The following ANKS1B variants were observed in gnomAD, a reference collection of about 807,000 sequenced individuals.
The protein encoded by ANKS1B is ankyrin repeat and sterile alpha motif domain-containing protein 1B.
In ANKS1B, 36 loss-of-function variants were observed where a neutral mutation model predicts 148.3. That is an observed-to-expected ratio of 0.24 (90% confidence interval 0.19 to 0.32). The LOEUF (loss-of-function observed/expected upper bound fraction) is 0.32. ANKS1B is among the 10% of genes least tolerant of loss of function. The pLI, the probability that ANKS1B is intolerant of heterozygous loss-of-function variation, is 1.00. For synonymous variants in ANKS1B, 542 were observed against 560.8 expected, an observed-to-expected ratio of 0.97 and a Z score of 0.47; for missense variants, 1,157 against 1,542.6, an observed-to-expected ratio of 0.75 and a Z score of 4.19.
At chr12:98,852,891 C>T (rs1250046937) in intron 17 of ANKS1B, among the ~76,000 whole-genome samples, 4 of 152,180 alleles carry the variant, frequency 2.6e-5, no homozygotes, top group African/African-American at 4.8e-5. Context: ...CTTTCTGCTT[C>T]ATCGATACTC....
chr12:99,050,091 C>T (rs551890640), intron 17 of ANKS1B, among the ~76,000 whole-genome samples: 1 of 152,270 alleles, frequency 6.6e-6, no homozygotes, highest in South Asian at 2.1e-4. Context: ...CCCTTTTAGG[C>T]TAGAAAACAA....
chr12:99,076,340 T>G (rs930993881), intron 16 of ANKS1B, among the ~76,000 whole-genome samples: 9 of 152,074 alleles, frequency 5.9e-5, no homozygotes, highest in Admixed American at 3.9e-4. Flanking sequence ...TAAGGCTGAA[T>G]TTTAGGGAAT....
At chr12:98,807,990 A>C in intron 19 of ANKS1B, 72 bp from the exon 20 acceptor site, 1 of 1,199,922 alleles carries the variant, frequency 8.3e-7, no homozygotes, top group Non-Finnish European at 1.2e-6. Context: ...AGCATCCAGG[A>C]AGGAAAAGAG....
At chr12:99,765,637 A>AATACATATGG (rs2062573777) in intron 8 of ANKS1B, among the ~76,000 whole-genome samples, 2 of 152,234 alleles carry the variant, frequency 1.3e-5, no homozygotes, top group African/African-American at 4.8e-5. Context: ...AGCTGATTAG[A>AATACATATGG]ATACATATGG....
intron 15 of ANKS1B, among the ~76,000 whole-genome samples, chr12:99,148,365 T>A (rs1284198408): frequency 1.3e-5 from 2 of 152,046 alleles, no homozygotes; most frequent in African/African-American, 4.8e-5. Flanking sequence ...CAGAGCAACT[T>A]CCAGAAGGAG....
intron 15 of ANKS1B, among the ~76,000 whole-genome samples, chr12:99,123,282 G>T (rs1317661975): frequency 6.6e-6 from 1 of 152,038 alleles, no homozygotes; most frequent in Non-Finnish European, 1.5e-5. Flanking sequence ...CATTAGAGCA[G>T]AGATTTCGAT....
intron 12 of ANKS1B, among the ~76,000 whole-genome samples, chr12:99,327,386 ATAT>A (rs557954922): frequency 4.5e-5 from 6 of 132,832 alleles, no homozygotes; most frequent in Non-Finnish European, 9.3e-5. Flanking sequence ...ATATAATTAT[ATAT>A]TATAATTACA....
chr12:99,328,000 T>A (rs1326698389), intron 12 of ANKS1B, among the ~76,000 whole-genome samples: 1 of 151,966 alleles, frequency 6.6e-6, no homozygotes, highest in Non-Finnish European at 1.5e-5. Flanking sequence ...AAATTTTTAA[T>A]AATTTTTGGG....
intron 17 of ANKS1B, among the ~76,000 whole-genome samples, chr12:98,997,627 G>A (rs368947075): frequency 2.6e-5 from 4 of 151,956 alleles, no homozygotes; most frequent in African/African-American, 7.3e-5. Flanking sequence ...TCTTGACCTC[G>A]TGATCTGCCT....
Position 98,782,160 on chromosome 12 carries a change from C to G in ANKS1B, c.3343-23G>C, listed in dbSNP as rs371386515. On this transcript the variant is annotated intron_variant, in intron 22 of 26. Transcript: ENST00000683438. ...AGCCTGGTGGATTTTCCAGTTAAGACAGATGGGAACATAATAGGAGAGAAA... is the reference window on the plus strand; with the variant it reads ...AGCCTGGTGGATTTTCCAGTTAAGAGAGATGGGAACATAATAGGAGAGAAA... 3.1e-6 allele frequency: 5 copies of G among 1,589,704 alleles called. No individual in the cohort carries two copies. The African/African-American group carries it at 6.7e-5, about 21-fold the overall frequency.
At chr12:99,915,353 G>C (rs934162296) in intron 1 of ANKS1B, among the ~76,000 whole-genome samples, 1 of 152,058 alleles carries the variant, frequency 6.6e-6, no homozygotes, top group Non-Finnish European at 1.5e-5. Flanking sequence ...CATTAGAACT[G>C]AGAGCACACA....
At chr12:99,506,187 C>A (rs563520905) in intron 9 of ANKS1B, among the ~76,000 whole-genome samples, 1 of 152,072 alleles carries the variant, frequency 6.6e-6, no homozygotes, top group East Asian at 1.9e-4. Context: ...AGTTGCAGAC[C>A]ATCTGTATGT....
chr12:99,246,977 T>C (rs1397389851), intron 12 of ANKS1B, 113 bp from the exon 13 acceptor site: 12 of 791,388 alleles, frequency 1.5e-5, no homozygotes, highest in Non-Finnish European at 2.2e-5. Context: ...TACTGCTACA[T>C]AGCAATACCT....
chr12:99,217,069 AT>A (rs1055235546), intron 14 of ANKS1B, among the ~76,000 whole-genome samples: 6 of 152,176 alleles, frequency 3.9e-5, no homozygotes, highest in African/African-American at 1.4e-4. Context: ...GGCCCTGATG[AT>A]TTTGGAGCCA....
intron 8 of ANKS1B, among the ~76,000 whole-genome samples, chr12:99,702,649 C>A (rs1004566015): frequency 6.6e-6 from 1 of 151,250 alleles, no homozygotes; most frequent in African/African-American, 2.4e-5. Flanking sequence ...CTCAAGCAAT[C>A]CTCCCACTTC....
intron 9 of ANKS1B, among the ~76,000 whole-genome samples, chr12:99,564,623 T>A (rs1489397944): frequency 2.0e-5 from 3 of 152,062 alleles, no homozygotes; most frequent in African/African-American, 7.2e-5. Context: ...GAATACATAA[T>A]TTCTTCTTAT....
intron 5 of ANKS1B, among the ~76,000 whole-genome samples, chr12:99,780,997 T>C (rs1197743593): frequency 7.9e-5 from 12 of 151,312 alleles, no homozygotes; most frequent in Non-Finnish European, 1.2e-4. Context: ...AGAAAGAACT[T>C]ATTTTAACAC....
At chr12:99,537,569 G>A (rs2097083905) in intron 9 of ANKS1B, among the ~76,000 whole-genome samples, 1 of 152,134 alleles carries the variant, frequency 6.6e-6, no homozygotes, top group Admixed American at 6.5e-5. Flanking sequence ...CTTCTTGTGA[G>A]AAATGTATAT....
chr12:98,891,883 T>G (rs555859224), intron 17 of ANKS1B, among the ~76,000 whole-genome samples: 1 of 152,214 alleles, frequency 6.6e-6, no homozygotes, highest in Non-Finnish European at 1.5e-5. Flanking sequence ...TTCTGTTAAT[T>G]ACTGGTGGTC....
Sources: gnomAD v4.1 joint callset for allele counts (sites outside exome capture counted in the v4.1 genomes callset) on GRCh38, gnomAD v4.1.1 for gene constraint, MANE v1.5 for transcripts, NCBI Gene and HGNC (gene_info 2026-07-23, HGNC 2026-07-21) for gene names.